DGKH: variants seen among roughly 807,000 people sequenced by gnomAD.
The protein encoded by DGKH is diacylglycerol kinase eta.
Under a neutral mutation model 159.3 loss-of-function variants are expected in DGKH, and 90 were observed. The ratio of observed to expected loss-of-function variants is 0.57; its 90% CI spans 0.48 to 0.67. DGKH has a LOEUF of 0.67. DGKH is among the 30% of genes least tolerant of loss of function. DGKH has a pLI of 0.00. For missense variants in DGKH, 1,181 were observed against 1,506.1 expected, an observed-to-expected ratio of 0.78 and a Z score of 3.57; for synonymous variants, 536 against 553.8, an observed-to-expected ratio of 0.97 and a Z score of 0.45.
intron 1 of DGKH, among the ~76,000 whole-genome samples, chr13:42,104,170 C>T (rs911348611): frequency 6.6e-6 from 1 of 152,228 alleles, no homozygotes; most frequent in African/African-American, 2.4e-5. Context: ...AGACATTTCT[C>T]TCTTATATCC....
chr13:42,180,551 G>A (rs1235598541), intron 13 of DGKH, among the ~76,000 whole-genome samples: 1 of 152,218 alleles, frequency 6.6e-6, no homozygotes, highest in East Asian at 1.9e-4. Flanking sequence ...ATCACCTCAC[G>A]TTTTACCCGA....
At chr13:42,141,047 C>T (rs1267409147) in intron 3 of DGKH, among the ~76,000 whole-genome samples, 1 of 4,482 alleles carries the variant, frequency 2.2e-4, no homozygotes, top group Non-Finnish European at 9.3e-4. Context: ...GCTATCCCTC[C>T]CCCCTCCCAC....
chr13:42,084,549 A>G (rs1316958271), intron 1 of DGKH, among the ~76,000 whole-genome samples: 3 of 152,166 alleles, frequency 2.0e-5, no homozygotes, highest in Non-Finnish European at 2.9e-5. Context: ...ATGTTTATAT[A>G]GAGTTAACCT....
At chr13:42,178,097 A>G in intron 12 of DGKH, 38 bp from the exon 13 acceptor site, 1 of 1,497,008 alleles carries the variant, frequency 6.7e-7, no homozygotes, top group Non-Finnish European at 9.1e-7. Context: ...TATAAATGCC[A>G]GCAACAATAA....
At chr13:42,079,408 T>TA (rs1019032124) in intron 1 of DGKH, among the ~76,000 whole-genome samples, 2 of 152,150 alleles carry the variant, frequency 1.3e-5, no homozygotes, top group Non-Finnish European at 2.9e-5. Context: ...ATCACCCAGA[T>TA]AATATACAGT....
intron 16 of DGKH, among the ~76,000 whole-genome samples, chr13:42,192,376 A>C (rs1957096235): frequency 6.6e-6 from 1 of 152,114 alleles, no homozygotes; most frequent in Non-Finnish European, 1.5e-5. Flanking sequence ...TTCTCCCCTA[A>C]ATTTCTACCC....
intron 3 of DGKH, among the ~76,000 whole-genome samples, chr13:42,148,580 C>A (rs1012182392): frequency 1.3e-5 from 2 of 152,198 alleles, no homozygotes; most frequent in East Asian, 3.9e-4. Context: ...AGTGGACCAT[C>A]TACACTGCTG....
chr13:42,192,642 C>T (rs1265205387), intron 16 of DGKH, among the ~76,000 whole-genome samples: 1 of 146,202 alleles, frequency 6.8e-6, no homozygotes, highest in Admixed American at 7.1e-5. Flanking sequence ...TCTTCTTCTT[C>T]CTTCTTTCTT....
At chr13:42,055,625 G>A (rs751858185) in intron 1 of DGKH, among the ~76,000 whole-genome samples, 2 of 152,170 alleles carry the variant, frequency 1.3e-5, no homozygotes, top group African/African-American at 4.8e-5. Flanking sequence ...GTGGGGCCCC[G>A]TTCTGTTTCC....
intron 11 of DGKH, among the ~76,000 whole-genome samples, chr13:42,173,647 T>G (rs1956521389): frequency 6.6e-6 from 1 of 152,218 alleles, no homozygotes; most frequent in Admixed American, 6.5e-5. Context: ...GGGTTATGAC[T>G]CATTAGTAAT....
At chr13:42,103,495 G>A (rs1385339916) in intron 1 of DGKH, among the ~76,000 whole-genome samples, 1 of 152,096 alleles carries the variant, frequency 6.6e-6, no homozygotes, top group African/African-American at 2.4e-5. Flanking sequence ...TTCCCTCTGC[G>A]ATTCCCAAGT....
chr13:42,140,205 C>A (rs757459191), intron 3 of DGKH, among the ~76,000 whole-genome samples: 2 of 152,188 alleles, frequency 1.3e-5, no homozygotes, highest in African/African-American at 2.4e-5. Context: ...GCCTTTGGCA[C>A]CTTGTGGATT....
At chr13:42,185,860 G>C (rs1956907140) in intron 13 of DGKH, among the ~76,000 whole-genome samples, 1 of 152,150 alleles carries the variant, frequency 6.6e-6, no homozygotes, top group Non-Finnish European at 1.5e-5. Flanking sequence ...TTCAGGATTA[G>C]AAAATATTAC....
At chr13:42,122,035 CCACT>C (rs1955083389) in intron 1 of DGKH, among the ~76,000 whole-genome samples, 1 of 152,122 alleles carries the variant, frequency 6.6e-6, no homozygotes, top group South Asian at 2.1e-4. Context: ...AAAATTTTCC[CCACT>C]ACCCCAATTA....
intron 1 of DGKH, among the ~76,000 whole-genome samples, chr13:42,098,207 C>T (rs774189564): frequency 4.6e-5 from 7 of 152,068 alleles, no homozygotes; most frequent in Non-Finnish European, 1.0e-4. Context: ...AAAATTAGGC[C>T]AGGGCACGGT....
intron 1 of DGKH, chr13:42,068,957 T>C (rs1882775162): frequency 6.8e-7 from 1 of 1,466,846 alleles, no homozygotes; most frequent in South Asian, 1.2e-5. Flanking sequence ...AGAATGCCGC[T>C]GTATGTTTGA....
intron 1 of DGKH, among the ~76,000 whole-genome samples, chr13:42,087,084 C>CACACACACACACACACACA (rs398038514): frequency 6.9e-6 from 1 of 145,426 alleles, no homozygotes; most frequent in Non-Finnish European, 1.5e-5. Flanking sequence ...CACACACACA[C>CACACACACACACACACACA]CTCAGAACAG....
intron 1 of DGKH, chr13:42,040,254 CA>C (rs1290000406): frequency 1.3e-5 from 2 of 152,200 alleles, no homozygotes; most frequent in Non-Finnish European, 2.9e-5. Context: ...GAGCGAGAGA[CA>C]GGGGCGCTGG....
intron 1 of DGKH, among the ~76,000 whole-genome samples, chr13:42,108,006 CTG>C (rs1372188088): frequency 1.3e-5 from 2 of 152,148 alleles, no homozygotes; most frequent in African/African-American, 4.8e-5. Flanking sequence ...TTTGAGTGTT[CTG>C]TGTCACCTCT....
Sources: allele counts gnomAD v4.1 joint callset (sites outside exome capture counted in the v4.1 genomes callset), GRCh38; gene constraint gnomAD v4.1.1; transcripts MANE v1.5; gene names NCBI Gene and HGNC (gene_info 2026-07-23, HGNC 2026-07-21).